MARCHF1: variants seen among roughly 807,000 people sequenced by gnomAD.
The protein encoded by MARCHF1 is E3 ubiquitin-protein ligase MARCHF1.
A neutral mutation model predicts 54.2 loss-of-function variants in MARCHF1; 40 were observed. The observed-to-expected ratio is 0.74, with a 90% CI of 0.57 to 0.96. The LOEUF (loss-of-function observed/expected upper bound fraction) is 0.96, where lower values mean the gene tolerates loss of function less well. Among genes scored for constraint, MARCHF1 ranks in the 40% least tolerant of loss-of-function variants. The pLI is 0.00. For synonymous variants in MARCHF1, 236 were observed against 236.3 expected, an observed-to-expected ratio of 1.00 and a Z score of 0.01; for missense variants, 586 against 656.5, an observed-to-expected ratio of 0.89 and a Z score of 1.17.
intron 4 of MARCHF1, among the ~76,000 whole-genome samples, chr4:163,805,972 T>C (rs930617342): frequency 6.6e-6 from 1 of 152,192 alleles, no homozygotes; most frequent in African/African-American, 2.4e-5. Context: ...TCTAGTTTCA[T>C]TCTATCCACT....
chr4:164,236,362 C>G (rs1732559423), intron 1 of MARCHF1, among the ~76,000 whole-genome samples: 2 of 152,084 alleles, frequency 1.3e-5, no homozygotes, highest in African/African-American at 2.4e-5. Context: ...ACACTGAACT[C>G]ATAGCCAGCA....
intron 2 of MARCHF1, among the ~76,000 whole-genome samples, chr4:164,097,927 A>G (rs979834589): frequency 6.6e-5 from 10 of 152,148 alleles, no homozygotes; most frequent in Non-Finnish European, 1.3e-4. Flanking sequence ...TTCATGGTGG[A>G]ACACAGAAGC....
chr4:163,945,631 C>T (rs1752008603), intron 3 of MARCHF1, among the ~76,000 whole-genome samples: 1 of 152,162 alleles, frequency 6.6e-6, no homozygotes, highest in South Asian at 2.1e-4. Context: ...TTATTAGCAA[C>T]TCAATATTTT....
chr4:164,052,265 GTAA>G, intron 2 of MARCHF1, among the ~76,000 whole-genome samples: 1 of 8,556 alleles, frequency 1.2e-4, no homozygotes, highest in Non-Finnish European at 5.9e-4. Context: ...GCTCACGCCT[GTAA>G]TCCTGTAATC....
rs375404261 is a variant in MARCHF1 at position 163,814,731 on chromosome 4, A to T, written c.111+39290T>A. Among the ~76,000 whole-genome samples, 4 of 152,192 alleles carry T rather than the reference A, an allele frequency of 2.6e-5. No individual in the cohort carries two copies. The South Asian group carries it at 8.3e-4, about 31-fold the overall frequency. ...TTCCATTTGTGGTTCCAGCACTTAC[A>T]TATCATGTGGCTTTGGACAAATCAT... On this transcript the variant is annotated intron_variant, in intron 4 of 9. Transcript: ENST00000514618.
intron 8 of MARCHF1, among the ~76,000 whole-genome samples, chr4:163,555,253 A>G (rs1394480769): frequency 6.6e-6 from 1 of 152,190 alleles, no homozygotes; most frequent in Non-Finnish European, 1.5e-5. Flanking sequence ...TGGCCTAGGA[A>G]TCTGCATTCC....
At chr4:163,994,426 C>T (rs914958712) in intron 2 of MARCHF1, among the ~76,000 whole-genome samples, 1 of 151,700 alleles carries the variant, frequency 6.6e-6, no homozygotes, top group African/African-American at 2.4e-5. Flanking sequence ...AGCCTAGTGG[C>T]ACAGTTTCCT....
chr4:163,622,454 T>A (rs550170814), intron 5 of MARCHF1, among the ~76,000 whole-genome samples: 36 of 150,054 alleles, frequency 2.4e-4, no homozygotes, highest in African/African-American at 8.8e-4. Flanking sequence ...AAAAAAAAAA[T>A]CAAACATTTC....
chr4:164,051,101 C>T (rs527803258), intron 2 of MARCHF1, among the ~76,000 whole-genome samples: 1 of 152,168 alleles, frequency 6.6e-6, no homozygotes, highest in South Asian at 2.1e-4. Flanking sequence ...CTGTGTGCAC[C>T]ACGAATTGGA....
intron 3 of MARCHF1, among the ~76,000 whole-genome samples, chr4:163,967,701 G>A (rs1279676647): frequency 6.6e-6 from 1 of 152,112 alleles, no homozygotes; most frequent in Non-Finnish European, 1.5e-5. Flanking sequence ...GATATCTATT[G>A]ATATGTACAT....
intron 3 of MARCHF1, among the ~76,000 whole-genome samples, chr4:163,926,871 AAT>A (rs745639267): frequency 5.6e-4 from 85 of 151,586 alleles, no homozygotes; most frequent in Non-Finnish European, 1.0e-3. Context: ...CAACTTTATT[AAT>A]TCAGAGAGTG....
intron 1 of MARCHF1, among the ~76,000 whole-genome samples, chr4:164,298,791 A>G (rs2111388310): frequency 6.6e-6 from 1 of 152,262 alleles, no homozygotes; most frequent in South Asian, 2.1e-4. Context: ...AGAAGGTTAT[A>G]TTTTATTATT....
At chr4:164,178,696 C>T (rs62347970) in intron 1 of MARCHF1, among the ~76,000 whole-genome samples, 58,194 of 151,812 alleles carry the variant, frequency 0.38, 12,455 homozygotes, top group Non-Finnish European at 0.49. Context: ...TGGATGGGTT[C>T]GTGTTTTCTC....
chr4:163,970,325 G>A (rs1053404921), intron 3 of MARCHF1, among the ~76,000 whole-genome samples: 1 of 152,170 alleles, frequency 6.6e-6, no homozygotes, highest in Non-Finnish European at 1.5e-5. Context: ...CAATTATCCT[G>A]TCCTCCCATG....
intron 2 of MARCHF1, among the ~76,000 whole-genome samples, chr4:164,092,176 C>T (rs1305545457): frequency 1.3e-5 from 2 of 152,082 alleles, no homozygotes; most frequent in Non-Finnish European, 2.9e-5. Flanking sequence ...GGGAAACAGC[C>T]AGCCACTGGG....
intron 1 of MARCHF1, among the ~76,000 whole-genome samples, chr4:164,243,921 A>G (rs1732855927): frequency 6.6e-6 from 1 of 152,104 alleles, no homozygotes; most frequent in East Asian, 1.9e-4. Flanking sequence ...TCCTAAATAT[A>G]TATGCACCCA....
chr4:164,044,434 T>G (rs1379735723), intron 2 of MARCHF1, among the ~76,000 whole-genome samples: 1 of 151,994 alleles, frequency 6.6e-6, no homozygotes, highest in Non-Finnish European at 1.5e-5. Context: ...TAAACAACCA[T>G]ATCTTGTGAG....
chr4:163,675,888 C>T (rs1263854925), intron 5 of MARCHF1, among the ~76,000 whole-genome samples: 1 of 152,076 alleles, frequency 6.6e-6, no homozygotes, highest in Non-Finnish European at 1.5e-5. Flanking sequence ...AATATCTCTT[C>T]CCTAGAGAAG....
At chr4:163,837,733 T>C (rs10003307) in intron 4 of MARCHF1, among the ~76,000 whole-genome samples, 125,898 of 151,838 alleles carry the variant, frequency 0.83, 53,261 homozygotes, top group South Asian at 0.96. Flanking sequence ...AACATGTCTC[T>C]GTAACTACTA....
Sources: allele counts gnomAD v4.1 joint callset (sites outside exome capture counted in the v4.1 genomes callset), GRCh38; gene constraint gnomAD v4.1.1; transcripts MANE v1.5; gene names NCBI Gene and HGNC (gene_info 2026-07-23, HGNC 2026-07-21).